The following LILRB4 variants were observed in gnomAD, a reference collection of about 807,000 sequenced individuals.
LILRB4 encodes the protein leukocyte immunoglobulin-like receptor subfamily B member 4.
Under a neutral mutation model 55.2 loss-of-function variants are expected in LILRB4, and 49 were observed. The observed-to-expected ratio is 0.89, with a 90% CI of 0.71 to 1.13. LILRB4 has a LOEUF of 1.13. Among genes scored for constraint, LILRB4 ranks in the 50% most tolerant of loss-of-function variants. LILRB4 has a pLI of 0.00. For synonymous variants in LILRB4, 229 were observed against 213.8 expected (o/e 1.07, Z -0.62); for missense variants, 590 against 555.2 (o/e 1.06, Z -0.63).
Position 54,666,232 on chromosome 19 carries a change from T to TC in LILRB4, c.875-3dup. On this transcript the variant is annotated splice_polypyrimidine_tract_variant and splice_region_variant and intron_variant, in intron 7 of 11. Transcript: ENST00000430952. This position sits in a 1 kb window ranked among gnomAD's most constrained non-coding sequence, Gnocchi z 4.8. ...CCCAGAGCTGAGACTCTGTCCATCT[T>TC]CCCCCAGCCCAGAGACAGGCTGATT... The TC allele has an allele frequency of 1.9e-6, 3 of 1,582,756 alleles. No homozygotes were observed. The highest frequency in any genetic ancestry group is 2.6e-6 in the Non-Finnish European group (3 of 1,165,842).
chr19:54,667,086 C>T (rs2065311259), intron 10 of LILRB4: 7 of 619,036 alleles, frequency 1.1e-5, no homozygotes, highest in Admixed American at 4.3e-5. Flanking sequence ...TCCCAGGGAG[C>T]TCACTGTGGA....
chr19:54,665,780 A>G lies in LILRB4; in HGVS notation c.758-35A>G, dbSNP rs1032735413. 3 of 1,570,168 alleles carry G rather than the reference A, an allele frequency of 1.9e-6. No homozygotes were observed. Among genetic ancestry groups the G allele is most frequent in the Non-Finnish European group, 2.6e-6 (3 of 1,157,658 alleles). ...CACACAGTAGGTGTGCACATCAATG[A>G]CATCATCCCCATTCCTGATGTCATC... is the stretch of plus-strand genomic sequence containing the variant. On this transcript the variant is annotated intron_variant, in intron 6 of 11. Transcript: ENST00000430952. This position sits in a 1 kb window ranked among gnomAD's most constrained non-coding sequence, Gnocchi z 5.5.
At position 54,663,739 on chromosome 19, in the gene LILRB4, C is replaced by G. The variant is rs763440253; in HGVS notation, c.71-15C>G. On this transcript the variant is annotated splice_polypyrimidine_tract_variant and intron_variant, in intron 2 of 11. Transcript: ENST00000430952. The stretch of plus-strand genomic sequence containing the variant: ...TGAGGAAGGTCTTGGGATCCAGCCT[C>G]TGATTTTCTTCCAGGGCCCCTCCCC... 2.5e-6 allele frequency: 4 copies of G among 1,613,628 alleles called. No homozygotes were observed. The East Asian group carries it at 8.9e-5, about 36-fold the overall frequency.
At position 54,666,276 on chromosome 19, in the gene LILRB4, CT is replaced by C; in HGVS notation, c.912del (p.Ala305ProfsTer29). 6.2e-7 allele frequency: 1 copy of C among 1,609,290 alleles called. No individual in the cohort carries two copies. The highest frequency in any genetic ancestry group is 8.5e-7 in the Non-Finnish European group (1 of 1,177,444). Reference sequence around the variant, plus strand: ...GCTGATTTCCAACGTCCTCCAGGGGCTGCCGAGCCAGAGCCCAAGGACGGGG... The same window carrying C: ...GCTGATTTCCAACGTCCTCCAGGGGCGCCGAGCCAGAGCCCAAGGACGGGG... On this transcript the variant is annotated frameshift_variant, in exon 8 of 12. Transcript: ENST00000430952. LOFTEE classifies it high-confidence loss of function. The surrounding 1 kb of genome is among the most constrained non-coding windows in gnomAD (Gnocchi z 4.8).
chr19:54,664,483 C>T (rs2065176334), exon 4 of LILRB4: 1 of 1,597,906 alleles, frequency 6.3e-7, no homozygotes, highest in African/African-American at 1.3e-5. Context: ...CTCATAGTCT[C>T]AGGTGAGGCT....
In LILRB4 at chr19:54,666,860, C is replaced by T; in HGVS notation, c.1041+111C>T. 1 of 1,088,554 alleles carries T rather than the reference C, an allele frequency of 9.2e-7. No individual in the cohort carries two copies. The highest frequency in any genetic ancestry group is 1.2e-5 in the South Asian group (1 of 80,408). The allele number at this position is 1,088,554 out of a possible 1,614,324, so 67.4% of individuals were successfully genotyped here. On this transcript the variant is annotated intron_variant, in intron 10 of 11. Coordinates refer to ENST00000430952, the Ensembl canonical transcript of LILRB4. The surrounding 1 kb of genome is among the most constrained non-coding windows in gnomAD (Gnocchi z 4.8). ...GCTCTCAGCATCGTCACGGTGGACC[C>T]CTCCTTGTCCAGCACGCTGCCTCCT...
Position 54,665,957 on chromosome 19 carries a change from G to A in LILRB4, c.874+26G>A. 1.2e-6 allele frequency: 2 copies of A among 1,613,720 alleles called. No individual in the cohort carries two copies. The highest frequency in any genetic ancestry group is 2.2e-5 in the South Asian group (2 of 91,056). On this transcript the variant is annotated intron_variant, in intron 7 of 11. Coordinates refer to ENST00000430952, the Ensembl canonical transcript of LILRB4. This position sits in a 1 kb window ranked among gnomAD's most constrained non-coding sequence, Gnocchi z 5.5. ...GTAAGTAGGAAATTGGGGGACCCGTGGGCTGATGGAGGGTGGGCTCAGGGC... is the reference window on the plus strand; with the variant it reads ...GTAAGTAGGAAATTGGGGGACCCGTAGGCTGATGGAGGGTGGGCTCAGGGC...
At chr19:54,664,467 C>G (rs2065175453) in exon 4 of LILRB4, 1 of 1,606,488 alleles carries the variant, frequency 6.2e-7, no homozygotes, top group Non-Finnish European at 8.5e-7. Flanking sequence ...CAGTGACCCC[C>G]TGGAGCTCAT....
At chr19:54,664,997 C>G (rs1172370700) in intron 5 of LILRB4, 133 bp from the exon 6 acceptor site, 1 of 1,363,882 alleles carries the variant, frequency 7.3e-7, no homozygotes, top group Non-Finnish European at 1.0e-6. Context: ...GGAGGCACCA[C>G]AGGCTCCCAA....
At chr19:54,663,123 A>T (rs2065078318) in intron 1 of LILRB4, 56 bp downstream of exon 1, 2 of 1,581,154 alleles carry the variant, frequency 1.3e-6, no homozygotes, top group Admixed American at 3.5e-5. Flanking sequence ...TTTGCCTCAC[A>T]GCCAGGCCCT....
intron 1 of LILRB4, among the ~76,000 whole-genome samples, 190 bp downstream of exon 1, chr19:54,663,257 T>C (rs1203794924): frequency 4.0e-5 from 6 of 151,626 alleles, no homozygotes; most frequent in Admixed American, 2.6e-4. Flanking sequence ...CCATCCTGGC[T>C]AACACGGTGA....
Position 54,666,668 on chromosome 19 carries a change from G to A in LILRB4, c.989-29G>A. ...GAGAGGTCCCAGGGAACCTTCCCAG[G>A]AGATGAACCCCTTGCTCTACCCCAG... On this transcript the variant is annotated intron_variant, in intron 9 of 11. Coordinates refer to ENST00000430952, the Ensembl canonical transcript of LILRB4. The surrounding 1 kb of genome is among the most constrained non-coding windows in gnomAD (Gnocchi z 4.8). 16 of 1,612,190 alleles carry A rather than the reference G, an allele frequency of 9.9e-6. No homozygotes were observed. Among genetic ancestry groups the A allele is most frequent in the Non-Finnish European group, 1.4e-5 (16 of 1,178,632 alleles).
At chr19:54,663,630 G>T in intron 2 of LILRB4, 63 bp downstream of exon 2, 1 of 1,612,292 alleles carries the variant, frequency 6.2e-7, no homozygotes, top group Non-Finnish European at 8.5e-7. Flanking sequence ...CCACCCATGG[G>T]CAGCTGGGGG....
exon 3 of LILRB4, chr19:54,663,902 C>A: frequency 6.2e-7 from 1 of 1,614,122 alleles, no homozygotes; most frequent in Non-Finnish European, 8.5e-7. Flanking sequence ...ACAGACAGAA[C>A]CCACTGGAGC....
chr19:54,664,247 C>A (rs541287083), exon 4 of LILRB4: 2 of 1,614,108 alleles, frequency 1.2e-6, no homozygotes, highest in Non-Finnish European at 1.7e-6. Flanking sequence ...CAGGAAAGAG[C>A]GTGACCCTGC....
rs770552746 is a variant in LILRB4 at position 54,665,153 on chromosome 19, A to G, written c.730A>G (p.Met244Val). ...AGCAGGCCCTGAGGACCAGCCCCTCATGCCTACAGGGTCAGTCCCCCACAG... is the reference window on the plus strand; with the variant it reads ...AGCAGGCCCTGAGGACCAGCCCCTCGTGCCTACAGGGTCAGTCCCCCACAG... Residue 244 changes from methionine to valine, a missense_variant, in exon 6 of 12, where the codon ATG (methionine) becomes GTG (valine). Met to Val is a conservative substitution (Grantham distance 21). Coordinates refer to ENST00000430952, the Ensembl canonical transcript of LILRB4. The surrounding 1 kb of genome is among the most constrained non-coding windows in gnomAD (Gnocchi z 5.5). The G allele has an allele frequency of 2.5e-6, 4 of 1,605,786 alleles. No homozygotes were observed. The highest frequency in any genetic ancestry group is 1.7e-6 in the Non-Finnish European group (2 of 1,175,626).
chr19:54,664,565 G>T, intron 4 of LILRB4, 80 bp downstream of exon 4: 1 of 1,434,616 alleles, frequency 7.0e-7, no homozygotes, highest in Non-Finnish European at 9.5e-7. Context: ...GGGCAGGGAT[G>T]GAGGGAGAGG....
In LILRB4 at chr19:54,666,610, A is replaced by T; in HGVS notation, c.989-87A>T. 1 of 1,482,942 alleles carries T rather than the reference A, an allele frequency of 6.7e-7. No homozygotes were observed. The highest frequency in any genetic ancestry group is 9.3e-7 in the Non-Finnish European group (1 of 1,071,420). The allele number at this position is 1,482,942 out of a possible 1,614,324, so 91.9% of individuals were successfully genotyped here. ...CAGCCCCTCCCTGCGTTGCAGTGGCACTAATGGGAACAGGGCAGGGACCAG... is the reference window on the plus strand; with the variant it reads ...CAGCCCCTCCCTGCGTTGCAGTGGCTCTAATGGGAACAGGGCAGGGACCAG... On this transcript the variant is annotated intron_variant, in intron 9 of 11. Coordinates refer to ENST00000430952, the Ensembl canonical transcript of LILRB4. The surrounding 1 kb of genome is among the most constrained non-coding windows in gnomAD (Gnocchi z 4.8).
In LILRB4 at chr19:54,666,520, T is replaced by C. The variant is rs1466247178; in HGVS notation, c.988+84T>C. The C allele has an allele frequency of 1.9e-6, 3 of 1,543,490 alleles. No individual in the cohort carries two copies. Among genetic ancestry groups the C allele is most frequent in the Admixed American group, 3.4e-5 (2 of 58,136 alleles). Reference sequence around the variant, plus strand: ...TAGCAATGGGGGCAGGAGCACAGGCTAGGATTGGTCAGGGACTCAGGGAGA... The same window carrying C: ...TAGCAATGGGGGCAGGAGCACAGGCCAGGATTGGTCAGGGACTCAGGGAGA... On this transcript the variant is annotated intron_variant, in intron 9 of 11. Transcript: ENST00000430952. The surrounding 1 kb of genome is among the most constrained non-coding windows in gnomAD (Gnocchi z 4.8).
Sources: gnomAD v4.1 joint callset for allele counts (sites outside exome capture counted in the v4.1 genomes callset) on GRCh38, gnomAD v4.1.1 for gene constraint, Gnocchi (gnomAD v3.1) non-coding constraint, MANE v1.5 for transcripts, NCBI Gene and HGNC (gene_info 2026-07-23, HGNC 2026-07-21) for gene names.